SMYD3: variants seen among roughly 807,000 people sequenced by gnomAD.
SMYD3 encodes the protein histone-lysine N-methyltransferase SMYD3.
SMYD3 carries 36 observed loss-of-function variants against 57.7 expected under a neutral mutation model. That is an observed-to-expected ratio of 0.62 (90% CI 0.48 to 0.82). SMYD3 has a LOEUF of 0.82. SMYD3 is among the 40% of genes least tolerant of loss of function. The pLI is 0.00. For synonymous variants in SMYD3, 211 were observed against 195.0 expected (o/e 1.08, Z -0.68); for missense variants, 515 against 538.8 (o/e 0.96, Z 0.44).
chr1:245,784,377 C>A (rs533818976), intron 10 of SMYD3, among the ~76,000 whole-genome samples: 1 of 152,288 alleles, frequency 6.6e-6, no homozygotes, highest in African/African-American at 2.4e-5. Context: ...TAACCATTTT[C>A]TTATGGTCAC....
intron 5 of SMYD3, chr1:246,186,715 T>C: frequency 1.0e-6 from 1 of 981,542 alleles, no homozygotes; most frequent in African/African-American, 1.7e-5. Context: ...ACAGCACTTC[T>C]CTCAAAATGA....
chr1:246,237,934 C>A (rs1179441571), intron 5 of SMYD3, among the ~76,000 whole-genome samples: 1 of 152,140 alleles, frequency 6.6e-6, no homozygotes, highest in Non-Finnish European at 1.5e-5. Context: ...TTTCTTAAAA[C>A]TAGGAAAGTA....
In SMYD3 at chr1:246,157,934, G is replaced by A. The variant is rs545874566; in HGVS notation, c.531+169267C>T. ...CCCACTAGGTTGAAGATTGCAGGAA[G>A]CTGAGATGCTTAAATTATTCTAATT... On this transcript the variant is annotated intron_variant, in intron 5 of 11. Transcript: ENST00000490107. 1.1e-4 allele frequency among the ~76,000 whole-genome samples: 17 copies of A among 152,342 alleles called. No homozygotes were observed. In the South Asian group the frequency reaches 3.3e-3, roughly 30 times the overall value.
At chr1:245,791,606 G>A (rs569724450) in intron 10 of SMYD3, among the ~76,000 whole-genome samples, 1 of 141,082 alleles carries the variant, frequency 7.1e-6, no homozygotes, top group Non-Finnish European at 1.5e-5. Context: ...GGGAGAGGAC[G>A]GGAGAAAGAG....
chr1:246,121,965 T>C (rs1402616693), intron 5 of SMYD3, among the ~76,000 whole-genome samples: 6 of 151,798 alleles, frequency 4.0e-5, no homozygotes, highest in African/African-American at 7.3e-5. Flanking sequence ...TCCTCTGGAG[T>C]GGTATTCAAA....
chr1:246,008,283 G>A (rs559074757), intron 5 of SMYD3, among the ~76,000 whole-genome samples: 5 of 151,342 alleles, frequency 3.3e-5, no homozygotes, highest in African/African-American at 4.9e-5. Context: ...ATCCACAGAC[G>A]CACAGAGCGG....
intron 10 of SMYD3, among the ~76,000 whole-genome samples, chr1:245,826,549 C>T (rs2049503948): frequency 6.6e-6 from 1 of 152,174 alleles, no homozygotes; most frequent in Non-Finnish European, 1.5e-5. Flanking sequence ...GGAAACACTA[C>T]ATTTTATTTC....
At chr1:246,506,815 G>A (rs1430104444) in intron 1 of SMYD3, among the ~76,000 whole-genome samples, 1 of 137,296 alleles carries the variant, frequency 7.3e-6, no homozygotes, top group African/African-American at 2.8e-5. Context: ...AGGTTGGGGG[G>A]CAGTGGCTGA....
intron 5 of SMYD3, among the ~76,000 whole-genome samples, chr1:246,226,923 T>C (rs1488364476): frequency 6.6e-6 from 1 of 152,230 alleles, no homozygotes; most frequent in African/African-American, 2.4e-5. Context: ...TTCATCTTCC[T>C]TGGTTTCAAA....
intron 8 of SMYD3, among the ~76,000 whole-genome samples, chr1:245,867,413 A>G (rs1286887369): frequency 1.3e-5 from 2 of 152,186 alleles, no homozygotes; most frequent in Non-Finnish European, 2.9e-5. Flanking sequence ...GCCACAGAAA[A>G]TGTAGTCCCT....
At chr1:246,341,205 C>T (rs1028794447) in intron 2 of SMYD3, among the ~76,000 whole-genome samples, 15 of 151,832 alleles carry the variant, frequency 9.9e-5, no homozygotes, top group African/African-American at 3.1e-4. Flanking sequence ...TACTTTTATA[C>T]GAAAGGGACA....
chr1:246,396,669 C>T (rs12081605), intron 1 of SMYD3, among the ~76,000 whole-genome samples: 17,400 of 152,132 alleles, frequency 0.11, 2,005 homozygotes, highest in East Asian at 0.32. Flanking sequence ...TGGTGGGGCA[C>T]GACTGAATCA....
At chr1:246,482,175 C>A (rs2068119931) in intron 1 of SMYD3, among the ~76,000 whole-genome samples, 1 of 151,944 alleles carries the variant, frequency 6.6e-6, no homozygotes, top group African/African-American at 2.4e-5. Flanking sequence ...AAAAAAAATT[C>A]CGTAACTTCT....
intron 11 of SMYD3, among the ~76,000 whole-genome samples, chr1:245,754,119 C>T (rs1010783187): frequency 6.6e-6 from 1 of 152,006 alleles, no homozygotes; most frequent in Admixed American, 6.6e-5. Context: ...ACAGTTAACT[C>T]AGTAATAGAG....
intron 10 of SMYD3, among the ~76,000 whole-genome samples, chr1:245,830,018 T>G (rs1013996167): frequency 2.0e-5 from 3 of 152,110 alleles, no homozygotes; most frequent in African/African-American, 4.8e-5. Flanking sequence ...GTGATAAAAA[T>G]GTTCTAAAAT....
intron 8 of SMYD3, among the ~76,000 whole-genome samples, chr1:245,880,412 T>C (rs12737156): frequency 0.12 from 17,756 of 152,214 alleles, 1,259 homozygotes; most frequent in South Asian, 0.29. Flanking sequence ...GATTAACTGA[T>C]GTCAGCCTTG....
chr1:246,306,134 T>C (rs1460156046), intron 5 of SMYD3: 1 of 152,066 alleles, frequency 6.6e-6, no homozygotes, highest in African/African-American at 2.4e-5. Flanking sequence ...AGGTCAGGAG[T>C]TTGAGACCAG....
intron 1 of SMYD3, among the ~76,000 whole-genome samples, chr1:246,413,654 C>G (rs948270243): frequency 6.6e-6 from 1 of 152,036 alleles, no homozygotes; most frequent in Non-Finnish European, 1.5e-5. Context: ...TGCCCCACCC[C>G]CACACACTAG....
At chr1:245,966,833 G>A (rs2058163005) in intron 5 of SMYD3, among the ~76,000 whole-genome samples, 1 of 152,134 alleles carries the variant, frequency 6.6e-6, no homozygotes, top group Admixed American at 6.5e-5. Context: ...AGGATCTGAT[G>A]CAGTCTTTCA....
Sources: allele counts gnomAD v4.1 joint callset (sites outside exome capture counted in the v4.1 genomes callset), GRCh38; gene constraint gnomAD v4.1.1; transcripts MANE v1.5; gene names NCBI Gene and HGNC (gene_info 2026-07-23, HGNC 2026-07-21).